The following TENM3 variants were observed in gnomAD, a reference collection of about 807,000 sequenced individuals.
The protein encoded by TENM3 is teneurin transmembrane protein 3, also known as teneurin-3.
Under a neutral mutation model 255.1 loss-of-function variants are expected in TENM3, and 63 were observed. That is an observed-to-expected ratio of 0.25 (90% CI 0.20 to 0.30). TENM3 has a LOEUF of 0.30. TENM3 is among the 10% of genes least tolerant of loss of function. TENM3 has a pLI of 1.00. For synonymous variants in TENM3, 1,306 were observed against 1,322.3 expected (o/e 0.99, Z 0.27); for missense variants, 2,929 against 3,461.1 (o/e 0.85, Z 3.86).
the TENM3 span, among the ~76,000 whole-genome samples, chr4:181,448,174 T>G: frequency 7.4e-6 from 1 of 135,360 alleles, no homozygotes; most frequent in Admixed American, 7.4e-5. Flanking sequence ...TTTTTTTTTT[T>G]TTTTTTTTTT....
chr4:181,989,397 G>C, the TENM3 span, among the ~76,000 whole-genome samples: 2 of 152,056 alleles, frequency 1.3e-5, no homozygotes, highest in Admixed American at 6.6e-5. Context: ...TAAGGATAAA[G>C]AGTGAGGTAG....
chr4:182,368,233 AC>A (rs1485572160), intron 3 of TENM3, among the ~76,000 whole-genome samples: 1 of 152,218 alleles, frequency 6.6e-6, no homozygotes, highest in Non-Finnish European at 1.5e-5. Flanking sequence ...CCTCCTGAGA[AC>A]ACGAGCATCA....
the TENM3 span, among the ~76,000 whole-genome samples, chr4:182,132,315 T>TA: frequency 0.11 from 16,453 of 150,958 alleles, 1,028 homozygotes; most frequent in South Asian, 0.16. Flanking sequence ...CCGTCTCTAC[T>TA]AAAAAAAAAC....
chr4:181,786,129 T>C, the TENM3 span, among the ~76,000 whole-genome samples: 131 of 152,170 alleles, frequency 8.6e-4, no homozygotes, highest in African/African-American at 3.0e-3. Context: ...AAAAATCCCG[T>C]CTAAGAGAAA....
the TENM3 span, among the ~76,000 whole-genome samples, chr4:181,622,351 C>T: frequency 6.6e-5 from 10 of 152,240 alleles, no homozygotes; most frequent in African/African-American, 1.9e-4. Flanking sequence ...AGAGTCAAAA[C>T]CTGTTTCTTG....
chr4:181,659,287 G>A, the TENM3 span, among the ~76,000 whole-genome samples: 1 of 152,046 alleles, frequency 6.6e-6, no homozygotes, highest in South Asian at 2.1e-4. Flanking sequence ...TACCTAGGGT[G>A]GGCCAGTTCC....
the TENM3 span, among the ~76,000 whole-genome samples, chr4:181,474,887 T>TCC: frequency 8.6e-5 from 13 of 151,754 alleles, no homozygotes; most frequent in African/African-American, 3.2e-4. Context: ...GCCTCTCTTC[T>TCC]CCCCCCACCT....
At position 182,743,158 on chromosome 4, in the gene TENM3, T is replaced by G; in HGVS notation, c.3380-12T>G. The G allele has an allele frequency of 6.3e-7, 1 of 1,576,706 alleles. No homozygotes were observed. Among genetic ancestry groups the G allele is most frequent in the South Asian group, 1.1e-5 (1 of 88,380 alleles). On this transcript the variant is annotated splice_polypyrimidine_tract_variant and intron_variant, in intron 18 of 27. Coordinates refer to ENST00000511685, the MANE Select transcript of TENM3 (RefSeq NM_001080477.4). ...TCATCATAAGAAAAACAATGCACTT[T>G]ATTTCTTCTAGGTATACTGTACAAG... is the stretch of plus-strand genomic sequence containing the variant.
chr4:182,288,163 C>T (rs1027117382), intron 1 of TENM3, among the ~76,000 whole-genome samples: 4 of 151,842 alleles, frequency 2.6e-5, no homozygotes, highest in African/African-American at 7.3e-5. Context: ...CTCGAACTCC[C>T]GACCTCAGGT....
chr4:182,446,563 T>C (rs1772928594), intron 3 of TENM3, among the ~76,000 whole-genome samples: 1 of 152,172 alleles, frequency 6.6e-6, no homozygotes, highest in South Asian at 2.1e-4. Context: ...ATTTGCTAAC[T>C]TGTGGTTGTC....
At chr4:182,618,301 A>T (rs1294671986) in intron 4 of TENM3, among the ~76,000 whole-genome samples, 1 of 152,114 alleles carries the variant, frequency 6.6e-6, no homozygotes, top group Non-Finnish European at 1.5e-5. Context: ...TGTATTCTTG[A>T]TATTAAAGAT....
chr4:182,034,910 C>G, the TENM3 span, among the ~76,000 whole-genome samples: 1,134 of 152,152 alleles, frequency 7.5e-3, 19 homozygotes, highest in African/African-American at 0.026. Context: ...TCTGGATTTC[C>G]TGAGTTCAAT....
At chr4:182,798,687 G>A (rs1421584669) in intron 27 of TENM3, among the ~76,000 whole-genome samples, 2 of 152,182 alleles carry the variant, frequency 1.3e-5, no homozygotes, top group East Asian at 1.9e-4. Context: ...ACATCTAACT[G>A]TACAAATGGA....
intron 3 of TENM3, among the ~76,000 whole-genome samples, chr4:182,557,036 G>T (rs971604890): frequency 1.3e-5 from 2 of 152,054 alleles, no homozygotes; most frequent in African/African-American, 4.8e-5. Flanking sequence ...GCTAAATATG[G>T]TTACCAGACA....
chr4:182,729,576 C>T (rs569098233), intron 14 of TENM3, among the ~76,000 whole-genome samples: 2 of 151,920 alleles, frequency 1.3e-5, no homozygotes, highest in Non-Finnish European at 1.5e-5. Flanking sequence ...GAACTGCTGA[C>T]GGCATGGCAG....
intron 1 of TENM3, among the ~76,000 whole-genome samples, chr4:182,235,015 A>C (rs377039729): frequency 6.6e-6 from 1 of 152,054 alleles, no homozygotes; most frequent in East Asian, 1.9e-4. Flanking sequence ...ATCAAAGCTG[A>C]GTCAGTCAGG....
chr4:181,936,645 CA>C, the TENM3 span, among the ~76,000 whole-genome samples: 1 of 152,008 alleles, frequency 6.6e-6, no homozygotes, highest in Non-Finnish European at 1.5e-5. Flanking sequence ...GCAGGGAAGA[CA>C]AACACAAACA....
intron 11 of TENM3, among the ~76,000 whole-genome samples, chr4:182,687,012 C>T (rs1024706982): frequency 2.0e-5 from 3 of 152,060 alleles, no homozygotes; most frequent in Non-Finnish European, 2.9e-5. Flanking sequence ...TTACAACTCT[C>T]GTAGTGCCTT....
chr4:181,809,829 C>T, the TENM3 span, among the ~76,000 whole-genome samples: 7 of 152,070 alleles, frequency 4.6e-5, no homozygotes, highest in African/African-American at 1.7e-4. Context: ...GAAGCAGAGA[C>T]GATGTGGCCC....
Sources: gnomAD v4.1 joint callset for allele counts (sites outside exome capture counted in the v4.1 genomes callset) on GRCh38, gnomAD v4.1.1 for gene constraint, MANE v1.5 for transcripts, NCBI Gene and HGNC (gene_info 2026-07-23, HGNC 2026-07-21) for gene names.